The following PLSCR4 variants were observed in gnomAD, a reference collection of about 807,000 sequenced individuals.
PLSCR4 encodes phospholipid scramblase 4.
PLSCR4 carries 25 observed loss-of-function variants against 36.3 expected under a neutral mutation model. The ratio of observed to expected loss-of-function variants is 0.69; its 90% CI spans 0.50 to 0.96. PLSCR4 has a LOEUF of 0.96. Ranked by LOEUF, PLSCR4 falls within the 40% of genes least tolerant of loss-of-function variation. The pLI, the probability that PLSCR4 is intolerant of heterozygous loss-of-function variation, is 0.00. For synonymous variants in PLSCR4, 122 were observed against 132.9 expected, an observed-to-expected ratio of 0.92 and a Z score of 0.56; for missense variants, 408 against 414.7, an observed-to-expected ratio of 0.98 and a Z score of 0.14.
At position 146,194,357 on chromosome 3, in the gene PLSCR4, T is replaced by C; in HGVS notation, c.*54A>G. 2 of 1,210,326 alleles carry C rather than the reference T, an allele frequency of 1.7e-6. No homozygotes were observed. The highest frequency in any genetic ancestry group is 2.5e-6 in the Non-Finnish European group (2 of 813,114). 75.0% of individuals were successfully genotyped at this position (1,210,326 alleles called of 1,614,324 possible). Reference sequence around the variant, plus strand: ...AACTGAGTGCTGACTGTAAGCCCAATCCAACTTTTCCATTTTTCAAAATTA... The same window carrying C: ...AACTGAGTGCTGACTGTAAGCCCAACCCAACTTTTCCATTTTTCAAAATTA... On this transcript the variant is annotated 3_prime_UTR_variant, in exon 9 of 9. Transcript: ENST00000354952.
chr3:146,218,961 T>C (rs147395838), intron 3 of PLSCR4, among the ~76,000 whole-genome samples: 11 of 152,310 alleles, frequency 7.2e-5, no homozygotes, highest in African/African-American at 1.9e-4. Flanking sequence ...ATAATGCAAA[T>C]TGGAATTATG....
chr3:146,226,485 A>C (rs1218650460), intron 1 of PLSCR4, among the ~76,000 whole-genome samples: 1 of 152,230 alleles, frequency 6.6e-6, no homozygotes, highest in Non-Finnish European at 1.5e-5. Flanking sequence ...CTGTCCGCCT[A>C]TCATCTATCT....
intron 1 of PLSCR4, among the ~76,000 whole-genome samples, chr3:146,245,389 C>A (rs1356346678): frequency 6.6e-6 from 1 of 151,892 alleles, no homozygotes; most frequent in African/African-American, 2.4e-5. Flanking sequence ...TTTGTAAACC[C>A]AAGTAAATTT....
chr3:146,237,623 A>G (rs948523792), intron 1 of PLSCR4, among the ~76,000 whole-genome samples: 2 of 152,088 alleles, frequency 1.3e-5, no homozygotes, highest in Non-Finnish European at 2.9e-5. Flanking sequence ...TCTCTTTAAT[A>G]AGCAATGGGT....
Position 146,229,604 on chromosome 3 carries a change from T to C in PLSCR4, c.-21-7512A>G, listed in dbSNP as rs1415275369. On this transcript the variant is annotated intron_variant, in intron 1 of 8. Transcript: ENST00000354952. ...TCATTTTATTTTTCATTTATTTATT[T>C]ATTTATTTATTTATTTATTTATTTA... 1.6e-3 allele frequency among the ~76,000 whole-genome samples: 179 copies of C among 110,288 alleles called. 2 individuals carry two copies. The highest frequency in any genetic ancestry group is 6.3e-3 in the East Asian group (28 of 4,410). The allele number at this position is 110,288 out of a possible 152,430, so 72.4% of individuals were successfully genotyped here. A position where few individuals can be genotyped will look rare whatever the true frequency, so the allele number is the denominator to read the frequency against.
intron 3 of PLSCR4, among the ~76,000 whole-genome samples, chr3:146,208,131 A>G (rs1482503693): frequency 6.6e-6 from 1 of 151,958 alleles, no homozygotes; most frequent in African/African-American, 2.4e-5. Flanking sequence ...AATAAACCCA[A>G]ATACAGCCAA....
chr3:146,211,437 A>G lies in PLSCR4; in HGVS notation c.119-4676T>C, dbSNP rs1314865232. ...TTGTTGCATTATAAATGTTCTTTAT[A>G]TATTCAAGATAAAAGTCTCTTGCCA... On this transcript the variant is annotated intron_variant, in intron 3 of 8. Transcript: ENST00000354952. Among the ~76,000 whole-genome samples the G allele has an allele frequency of 3.3e-5, 5 of 152,266 alleles. No homozygotes were observed. The East Asian group carries it at 9.6e-4, about 29-fold the overall frequency.
chr3:146,203,491 T>C (rs2034152539), intron 4 of PLSCR4, among the ~76,000 whole-genome samples: 1 of 152,064 alleles, frequency 6.6e-6, no homozygotes, highest in Non-Finnish European at 1.5e-5. Context: ...GTTGCATCTA[T>C]ATTCAAAATC....
intron 1 of PLSCR4, among the ~76,000 whole-genome samples, chr3:146,243,741 C>T (rs897228263): frequency 6.6e-5 from 10 of 152,134 alleles, no homozygotes; most frequent in African/African-American, 2.2e-4. Flanking sequence ...AAGACAAAAA[C>T]CATTGTTAAT....
In PLSCR4 at chr3:146,209,680, T is replaced by C. The variant is rs1382300196; in HGVS notation, c.119-2919A>G. Among the ~76,000 whole-genome samples, 4 of 152,060 alleles carry C rather than the reference T, an allele frequency of 2.6e-5. No homozygotes were observed. The East Asian group carries it at 7.7e-4, about 29-fold the overall frequency. On this transcript the variant is annotated intron_variant, in intron 3 of 8. Coordinates refer to ENST00000354952, the MANE Select transcript of PLSCR4 (RefSeq NM_020353.3). The stretch of plus-strand genomic sequence containing the variant: ...TATTTTTGTTTCACTTTCCAAGTTT[T>C]TAAGATTAATTAATTAAAATTTATA...
intron 5 of PLSCR4, 115 bp downstream of exon 5, chr3:146,200,917 AGTT>A (rs2034015245): frequency 1.5e-6 from 1 of 645,326 alleles, no homozygotes; most frequent in Non-Finnish European, 2.7e-6. Flanking sequence ...GTAATAGAGC[AGTT>A]TTTTTTTCTT....
chr3:146,225,999 G>C (rs749136362), intron 1 of PLSCR4, among the ~76,000 whole-genome samples: 1 of 152,206 alleles, frequency 6.6e-6, no homozygotes. Flanking sequence ...ATGATTCCAC[G>C]TAAGAATGTT....
intron 3 of PLSCR4, among the ~76,000 whole-genome samples, chr3:146,217,408 G>A (rs1030550850): frequency 2.6e-5 from 4 of 152,202 alleles, no homozygotes; most frequent in Non-Finnish European, 5.9e-5. Flanking sequence ...TGCTGTGTGT[G>A]GAGATTTAGC....
intron 1 of PLSCR4, among the ~76,000 whole-genome samples, chr3:146,246,110 C>T (rs757904446): frequency 2.0e-5 from 3 of 152,060 alleles, no homozygotes; most frequent in Admixed American, 6.6e-5. Context: ...CAGGCTTGCA[C>T]AAAAGATAAA....
In PLSCR4 at chr3:146,206,779, C is replaced by A. The variant is rs1316841530; in HGVS notation, c.119-18G>T. The A allele has an allele frequency of 1.8e-5, 26 of 1,478,846 alleles. No individual in the cohort carries two copies. The highest frequency in any genetic ancestry group is 2.1e-5 in the Non-Finnish European group (23 of 1,082,194). 91.6% of individuals were successfully genotyped at this position (1,478,846 alleles called of 1,614,324 possible). On this transcript the variant is annotated intron_variant, in intron 3 of 8. Coordinates refer to ENST00000354952, the MANE Select transcript of PLSCR4 (RefSeq NM_020353.3). ...AGGGGGTCCTGTGTTCAAAAGAAAT[C>A]AAAGTGTTATATATTATTAACACTA...
At chr3:146,213,334 C>CTTTTTT (rs60242461) in intron 3 of PLSCR4, among the ~76,000 whole-genome samples, 35,787 of 124,502 alleles carry the variant, frequency 0.29, 5,784 homozygotes, top group South Asian at 0.4. Flanking sequence ...GTAAAATTTC[C>CTTTTTT]TTTTTTTTTT....
intron 1 of PLSCR4, among the ~76,000 whole-genome samples, chr3:146,228,191 C>T (rs2035558321): frequency 6.6e-6 from 1 of 152,126 alleles, no homozygotes; most frequent in South Asian, 2.1e-4. Flanking sequence ...CAGTGCCTGC[C>T]ATATAAAAAA....
chr3:146,246,972 A>AT (rs1395196250), intron 1 of PLSCR4, among the ~76,000 whole-genome samples: 2 of 152,234 alleles, frequency 1.3e-5, no homozygotes, highest in Admixed American at 6.5e-5. Context: ...CCTCCAATAG[A>AT]TTTTCTAAGC....
At chr3:146,220,954 A>T (rs2035110083) in intron 2 of PLSCR4, 29 bp from the exon 3 acceptor site, 2 of 1,283,940 alleles carry the variant, frequency 1.6e-6, no homozygotes. Flanking sequence ...AACATGACTT[A>T]CAAAGGAAAC....
Sources: allele counts gnomAD v4.1 joint callset (sites outside exome capture counted in the v4.1 genomes callset), GRCh38; gene constraint gnomAD v4.1.1; transcripts MANE v1.5; gene names NCBI Gene and HGNC (gene_info 2026-07-23, HGNC 2026-07-21).